Variants in RARB observed in about 807,000 individuals in gnomAD.
RARB encodes the protein HBV-activated protein.
Under a neutral mutation model 51.9 loss-of-function variants are expected in RARB, and 17 were observed. That is an observed-to-expected ratio of 0.33 (90% confidence interval 0.22 to 0.49). The LOEUF is 0.49. RARB is among the 20% of genes least tolerant of loss of function. The pLI is 0.99. For synonymous variants in RARB, 215 were observed against 195.4 expected (o/e 1.10, Z -0.84); for missense variants, 369 against 550.8 (o/e 0.67, Z 3.30).
chr3:24,919,455 C>T (rs191737380), intron 2 of RARB, among the ~76,000 whole-genome samples: 22 of 151,990 alleles, frequency 1.4e-4, no homozygotes, highest in Middle Eastern at 3.4e-3. Context: ...CTGTTCAAAC[C>T]CTGTTCAAAT....
chr3:24,878,210 A>ATT (rs58436769), intron 2 of RARB, among the ~76,000 whole-genome samples: 31 of 146,414 alleles, frequency 2.1e-4, no homozygotes, highest in Middle Eastern at 3.4e-3. Flanking sequence ...TAGCCAAACC[A>ATT]TTTTTTTTTT....
chr3:24,908,910 C>T (rs1308107967), intron 2 of RARB, among the ~76,000 whole-genome samples: 4 of 152,084 alleles, frequency 2.6e-5, no homozygotes, highest in Non-Finnish European at 4.4e-5. Context: ...CTTCAGCTAT[C>T]CATATTCAAC....
chr3:25,051,292 T>C (rs935497100), intron 2 of RARB, among the ~76,000 whole-genome samples: 3 of 152,130 alleles, frequency 2.0e-5, no homozygotes, highest in Admixed American at 6.6e-5. Context: ...TTGTTGTGAA[T>C]GTTATATTTG....
At chr3:25,168,261 C>T (rs766907380) in intron 4 of RARB, among the ~76,000 whole-genome samples, 4 of 151,916 alleles carry the variant, frequency 2.6e-5, no homozygotes, top group South Asian at 2.1e-4. Context: ...TGCTCTGTTG[C>T]GCAGGCTGGA....
At chr3:24,930,398 C>T (rs1244565429) in intron 2 of RARB, among the ~76,000 whole-genome samples, 2 of 152,026 alleles carry the variant, frequency 1.3e-5, no homozygotes, top group African/African-American at 4.8e-5. Flanking sequence ...TACCTAGCAT[C>T]ATAAAATTCT....
rs140815568 is a variant in RARB, at chr3:25,333,798, C to T, written c.179-127395C>T. Among the ~76,000 whole-genome samples, 1,321 of 152,236 alleles carry T rather than the reference C, an allele frequency of 8.7e-3. 10 individuals are homozygous for T. The highest frequency in any genetic ancestry group is 0.027 in the Middle Eastern group (8 of 294). ...ACCCATCTGACAAAGGGCTAATGTCCAGAATCTACAAAGAACTTAAACGGA... is the reference window on the plus strand; with the variant it reads ...ACCCATCTGACAAAGGGCTAATGTCTAGAATCTACAAAGAACTTAAACGGA... On this transcript the variant is annotated intron_variant, in intron 5 of 11. Transcript: ENST00000383772.
At chr3:25,144,572 C>G (rs1377110366) in intron 4 of RARB, among the ~76,000 whole-genome samples, 1 of 152,148 alleles carries the variant, frequency 6.6e-6, no homozygotes, top group Non-Finnish European at 1.5e-5. Flanking sequence ...AAAAGTTTCC[C>G]TAAGCCATAC....
At chr3:25,141,845 A>G (rs559663994) in intron 4 of RARB, among the ~76,000 whole-genome samples, 3 of 152,304 alleles carry the variant, frequency 2.0e-5, no homozygotes, top group African/African-American at 7.2e-5. Flanking sequence ...CTCACCTTCT[A>G]CAGGCAGCAT....
intron 2 of RARB, among the ~76,000 whole-genome samples, chr3:24,953,248 T>A (rs1695938455): frequency 6.6e-6 from 1 of 151,978 alleles, no homozygotes; most frequent in Admixed American, 6.6e-5. Context: ...TTGATAAAAA[T>A]CCTTGGAAGT....
chr3:25,348,319 T>A (rs1348113041), intron 5 of RARB, among the ~76,000 whole-genome samples: 1 of 151,112 alleles, frequency 6.6e-6, no homozygotes, highest in Non-Finnish European at 1.5e-5. Flanking sequence ...TTATCTTAAA[T>A]AAAAATTTAT....
intron 3 of RARB, among the ~76,000 whole-genome samples, chr3:25,540,220 C>G (rs932268092): frequency 6.6e-6 from 1 of 152,124 alleles, no homozygotes; most frequent in African/African-American, 2.4e-5. Flanking sequence ...ATCCAGCCAG[C>G]GAGACCATGG....
intron 4 of RARB, among the ~76,000 whole-genome samples, chr3:25,575,031 T>C (rs1700868539): frequency 6.6e-6 from 1 of 152,150 alleles, no homozygotes; most frequent in South Asian, 2.1e-4. Flanking sequence ...GCTGCCAGTA[T>C]CACCCAGCAG....
intron 3 of RARB, among the ~76,000 whole-genome samples, chr3:25,085,991 T>C (rs1380655054): frequency 6.6e-6 from 1 of 152,172 alleles, no homozygotes; most frequent in Non-Finnish European, 1.5e-5. Context: ...CACGTAACAA[T>C]GCAGGGACTC....
intron 3 of RARB, 56 bp from the exon 4 acceptor site, chr3:25,569,702 A>G: frequency 6.4e-7 from 1 of 1,563,548 alleles, no homozygotes; most frequent in South Asian, 1.2e-5. Context: ...CTCCCAGCTC[A>G]GGAGCACAGG....
intron 3 of RARB, among the ~76,000 whole-genome samples, chr3:25,081,615 ATATATATTTTT>A (rs1699002565): frequency 9.7e-5 from 1 of 10,360 alleles, no homozygotes; most frequent in African/African-American, 4.4e-4. Context: ...ATATATATAT[ATATATATTTTT>A]TTTTTTTTTT....
chr3:25,283,130 A>G (rs527907538), intron 5 of RARB, among the ~76,000 whole-genome samples: 2 of 152,300 alleles, frequency 1.3e-5, no homozygotes, highest in Admixed American at 1.3e-4. Context: ...CTGATTCCAA[A>G]GCCCTTGTTT....
chr3:25,466,758 T>G (rs983042697), intron 2 of RARB, among the ~76,000 whole-genome samples: 2 of 152,216 alleles, frequency 1.3e-5, no homozygotes, highest in Non-Finnish European at 2.9e-5. Flanking sequence ...TTGAGGGCTA[T>G]GTGGTCTTTG....
At chr3:25,565,329 C>G (rs1700450015) in intron 3 of RARB, among the ~76,000 whole-genome samples, 1 of 152,106 alleles carries the variant, frequency 6.6e-6, no homozygotes, top group Non-Finnish European at 1.5e-5. Flanking sequence ...ATTGAATGGC[C>G]TACCATGAAT....
intron 2 of RARB, among the ~76,000 whole-genome samples, chr3:24,941,333 T>C (rs1465832305): frequency 6.6e-6 from 1 of 152,072 alleles, no homozygotes; most frequent in Non-Finnish European, 1.5e-5. Context: ...TTAAATGATA[T>C]TTTAATGCAA....
Sources: allele counts gnomAD v4.1 joint callset (sites outside exome capture counted in the v4.1 genomes callset), GRCh38; gene constraint gnomAD v4.1.1; transcripts MANE v1.5; gene names NCBI Gene and HGNC (gene_info 2026-07-23, HGNC 2026-07-21).